The following EAF2 variants were observed in gnomAD, a reference collection of about 807,000 sequenced individuals.
EAF2 encodes the protein ELL associated factor 2.
In EAF2, 29 loss-of-function variants were observed where a neutral mutation model predicts 29.4. That is an observed-to-expected ratio of 0.99 (90% CI 0.73 to 1.35). EAF2 has a LOEUF of 1.35. Among genes scored for constraint, EAF2 ranks in the 40% most tolerant of loss-of-function variants. The pLI is 0.00. For missense variants in EAF2, 292 were observed against 312.0 expected, an observed-to-expected ratio of 0.94 and a Z score of 0.48; for synonymous variants, 103 against 102.5, an observed-to-expected ratio of 1.00 and a Z score of -0.03.
chr3:121,840,515 A>AAACAAAAAAAAAC (rs1553725710), intron 1 of EAF2, among the ~76,000 whole-genome samples: 1 of 97,892 alleles, frequency 1.0e-5, no homozygotes, highest in Admixed American at 1.3e-4. Flanking sequence ...AAAAGAAAAA[A>AAACAAAAAAAAAC]AAAAAACGGG....
At chr3:121,862,402 C>T (rs1000893854) in intron 4 of EAF2, among the ~76,000 whole-genome samples, 1 of 152,160 alleles carries the variant, frequency 6.6e-6, no homozygotes, top group African/African-American at 2.4e-5. Context: ...CTTCTCTTCT[C>T]ACTTCATTTC....
At chr3:121,849,340 C>T (rs758871206) in intron 2 of EAF2, among the ~76,000 whole-genome samples, 12 of 152,068 alleles carry the variant, frequency 7.9e-5, no homozygotes, top group Admixed American at 5.9e-4. Flanking sequence ...TTAATAAAAA[C>T]GAACACTGAT....
chr3:121,860,556 C>T (rs531169587), intron 4 of EAF2, among the ~76,000 whole-genome samples: 1 of 152,226 alleles, frequency 6.6e-6, no homozygotes, highest in South Asian at 2.1e-4. Context: ...TGATTCTTCT[C>T]TCTTTTTTTC....
chr3:121,869,585 A>G (rs900439658), intron 4 of EAF2, among the ~76,000 whole-genome samples: 6 of 152,168 alleles, frequency 3.9e-5, no homozygotes, highest in African/African-American at 1.4e-4. Flanking sequence ...AGTATTATAA[A>G]GAAATGGTAG....
At chr3:121,864,144 A>G (rs1708883244) in intron 4 of EAF2, among the ~76,000 whole-genome samples, 1 of 151,926 alleles carries the variant, frequency 6.6e-6, no homozygotes, top group South Asian at 2.1e-4. Context: ...TTAAATCTCC[A>G]TTTTTTTTCT....
At chr3:121,848,350 T>C (rs1259802752) in intron 2 of EAF2, among the ~76,000 whole-genome samples, 2 of 152,136 alleles carry the variant, frequency 1.3e-5, no homozygotes, top group African/African-American at 2.4e-5. Flanking sequence ...ACTATAGGAG[T>C]ACATTAAGTA....
chr3:121,874,087 A>G (rs147689531), intron 5 of EAF2, among the ~76,000 whole-genome samples: 2 of 151,964 alleles, frequency 1.3e-5, no homozygotes, highest in Admixed American at 6.6e-5. Context: ...CACATAATAG[A>G]TGCTCAGCAA....
chr3:121,845,259 G>A (rs990270901), intron 2 of EAF2, among the ~76,000 whole-genome samples: 2 of 151,898 alleles, frequency 1.3e-5, no homozygotes, highest in Admixed American at 6.6e-5. Flanking sequence ...CCAACATGGT[G>A]AAGCCCTGAC....
At chr3:121,853,903 T>A (rs904730096) in intron 2 of EAF2, among the ~76,000 whole-genome samples, 1 of 152,204 alleles carries the variant, frequency 6.6e-6, no homozygotes, top group Non-Finnish European at 1.5e-5. Flanking sequence ...ATCTTACTTT[T>A]AATTATGCTA....
In EAF2 at chr3:121,844,439, G is replaced by A. The variant is rs774360834; in HGVS notation, c.107-14G>A. ...TTACATTTTACAAAAATTGGTATTT[G>A]TATCTATTTTTAGATGACTTCAAAC... On this transcript the variant is annotated splice_polypyrimidine_tract_variant and intron_variant, in intron 1 of 5. Transcript: ENST00000273668. 2.0e-6 allele frequency: 3 copies of A among 1,532,036 alleles called. No individual in the cohort carries two copies. The highest frequency in any genetic ancestry group is 2.7e-6 in the Non-Finnish European group (3 of 1,118,068). 94.9% of individuals were successfully genotyped at this position (1,532,036 alleles called of 1,614,324 possible).
At chr3:121,852,478 A>G (rs1454547455) in intron 2 of EAF2, among the ~76,000 whole-genome samples, 1 of 152,172 alleles carries the variant, frequency 6.6e-6, no homozygotes, top group Non-Finnish European at 1.5e-5. Flanking sequence ...TAGCCCAGAC[A>G]TGTCTTCATC....
intron 1 of EAF2, among the ~76,000 whole-genome samples, chr3:121,838,883 G>A (rs1021892379): frequency 1.3e-5 from 2 of 152,170 alleles, no homozygotes; most frequent in Non-Finnish European, 2.9e-5. Flanking sequence ...ATCTGTGGAT[G>A]TAAGACAAAC....
At chr3:121,863,930 A>T (rs555685867) in intron 4 of EAF2, among the ~76,000 whole-genome samples, 10 of 152,282 alleles carry the variant, frequency 6.6e-5, no homozygotes, top group African/African-American at 2.4e-4. Context: ...TGATGACTCA[A>T]ATTCAATTCC....
At chr3:121,844,403 T>A in intron 1 of EAF2, 50 bp from the exon 2 acceptor site, 1 of 1,130,626 alleles carries the variant, frequency 8.8e-7, no homozygotes, top group Non-Finnish European at 1.3e-6. Flanking sequence ...AATTTTTATA[T>A]CCAAATATCA....
chr3:121,865,323 A>G (rs920109418), intron 4 of EAF2, among the ~76,000 whole-genome samples: 1 of 152,230 alleles, frequency 6.6e-6, no homozygotes, highest in Non-Finnish European at 1.5e-5. Flanking sequence ...AAAGCTTTCT[A>G]TTTCTAACTT....
intron 4 of EAF2, among the ~76,000 whole-genome samples, chr3:121,859,934 T>C (rs1225319163): frequency 6.6e-6 from 1 of 152,244 alleles, no homozygotes; most frequent in African/African-American, 2.4e-5. Flanking sequence ...GATAATTGTG[T>C]GGTTTTTGTC....
At chr3:121,846,714 G>C (rs990840898) in intron 2 of EAF2, among the ~76,000 whole-genome samples, 1 of 143,416 alleles carries the variant, frequency 7.0e-6, no homozygotes, top group Non-Finnish European at 1.6e-5. Flanking sequence ...AATCACTTTA[G>C]TTGGATTTTT....
At chr3:121,861,159 G>A (rs1708822723) in intron 4 of EAF2, among the ~76,000 whole-genome samples, 1 of 152,176 alleles carries the variant, frequency 6.6e-6, no homozygotes, top group South Asian at 2.1e-4. Context: ...GATTTGGGGT[G>A]GAGAGTTCTG....
At chr3:121,882,938 T>A (rs185384127) in intron 5 of EAF2, among the ~76,000 whole-genome samples, 2 of 152,180 alleles carry the variant, frequency 1.3e-5, no homozygotes, top group Admixed American at 1.3e-4. Flanking sequence ...GTAACAGATA[T>A]TTTTAATTCT....
Sources: gnomAD v4.1 joint callset for allele counts (sites outside exome capture counted in the v4.1 genomes callset) on GRCh38, gnomAD v4.1.1 for gene constraint, MANE v1.5 for transcripts, NCBI Gene and HGNC (gene_info 2026-07-23, HGNC 2026-07-21) for gene names.